TSG101: variants seen among roughly 807,000 people sequenced by gnomAD.
The protein encoded by TSG101 is tumor susceptibility gene 101 protein.
In TSG101, 19 loss-of-function variants were observed where a neutral mutation model predicts 48.5. The ratio of observed to expected loss-of-function variants is 0.39; its 90% CI spans 0.27 to 0.58. TSG101 has a LOEUF of 0.58. TSG101 is among the 20% of genes least tolerant of loss of function. The pLI, the probability that TSG101 is intolerant of heterozygous loss-of-function variation, is 0.55. For synonymous variants in TSG101, 174 were observed against 169.4 expected (o/e 1.03, Z -0.21); for missense variants, 365 against 484.4 (o/e 0.75, Z 2.31).
At chr11:18,482,920 A>C (rs1249985226) in intron 8 of TSG101, among the ~76,000 whole-genome samples, 1 of 152,160 alleles carries the variant, frequency 6.6e-6, no homozygotes. Context: ...TTGGGTTAAA[A>C]CATCCTTTGC....
intron 7 of TSG101, among the ~76,000 whole-genome samples, chr11:18,487,518 G>A (rs555878232): frequency 6.6e-6 from 1 of 151,992 alleles, no homozygotes; most frequent in Non-Finnish European, 1.5e-5. Flanking sequence ...ACATTAGATC[G>A]TTTCTGTAAC....
At position 18,526,938 on chromosome 11, in the gene TSG101, A is replaced by G. The variant is rs1850389115; in HGVS notation, c.-122T>C. 5 of 1,035,774 alleles carry G rather than the reference A, an allele frequency of 4.8e-6. No individual in the cohort carries two copies. Among genetic ancestry groups the G allele is most frequent in the Non-Finnish European group, 7.0e-6 (5 of 711,894 alleles). The allele number at this position is 1,035,774 out of a possible 1,614,324, so 64.2% of individuals were successfully genotyped here. ...CCTCAAACAACAGGAAGTCGGCACC[A>G]CTACACCACTTCCGCTTCCACTACG... On this transcript the variant is annotated 5_prime_UTR_variant, in exon 1 of 10. Coordinates refer to ENST00000251968, the MANE Select transcript of TSG101 (RefSeq NM_006292.4).
intron 1 of TSG101, among the ~76,000 whole-genome samples, chr11:18,521,670 CTTTTTTTTTTTTTT>C: frequency 1.5e-5 from 1 of 66,742 alleles, no homozygotes; most frequent in South Asian, 7.1e-4. Context: ...TGGCCCCTTC[CTTTTTTTTTTTTTT>C]TTTTTTTTTT....
intron 2 of TSG101, among the ~76,000 whole-genome samples, chr11:18,516,491 C>T (rs1362862094): frequency 2.6e-5 from 4 of 151,722 alleles, no homozygotes; most frequent in Non-Finnish European, 5.9e-5. Flanking sequence ...ATTACAGGCA[C>T]GTGCCACCAC....
Position 18,514,677 on chromosome 11 carries a change from C to T in TSG101, c.357+1G>A, listed in dbSNP as rs1299098195. On this transcript the variant is annotated splice_donor_variant, in intron 4 of 9. Coordinates refer to ENST00000251968, the MANE Select transcript of TSG101 (RefSeq NM_006292.4). LOFTEE classifies it high-confidence loss of function. ...ATTCACAGAACACTATGAATACTTA[C>T]GTGTTTCCATTCATGTAGATAAGGA... 5 of 1,563,126 alleles carry T rather than the reference C, an allele frequency of 3.2e-6. No individual in the cohort carries two copies. Among genetic ancestry groups the T allele is most frequent in the Non-Finnish European group, 4.3e-6 (5 of 1,163,182 alleles).
chr11:18,496,506 A>ATAAAC (rs1296710416), intron 7 of TSG101, among the ~76,000 whole-genome samples: 13 of 139,072 alleles, frequency 9.3e-5, no homozygotes, highest in Admixed American at 5.9e-4. Context: ...ATAAAATAAA[A>ATAAAC]TAAATCTACA....
In TSG101 at chr11:18,486,584, G is replaced by A. The variant is rs894491966; in HGVS notation, c.641-2512C>T. On this transcript the variant is annotated intron_variant, in intron 7 of 9. Coordinates refer to ENST00000251968, the MANE Select transcript of TSG101 (RefSeq NM_006292.4). ...CACAATGAGATACCATCTCACACCA[G>A]TTAGAATGGTGATCATTAAAAAGTC... is the stretch of plus-strand genomic sequence containing the variant. Among the ~76,000 whole-genome samples the A allele has an allele frequency of 5.3e-5, 8 of 152,128 alleles. No individual in the cohort carries two copies. The South Asian group carries it at 1.7e-3, about 32-fold the overall frequency.
At chr11:18,487,257 TATA>T (rs1320132674) in intron 7 of TSG101, among the ~76,000 whole-genome samples, 1 of 137,526 alleles carries the variant, frequency 7.3e-6, no homozygotes, top group Non-Finnish European at 1.6e-5. Context: ...AAACTTAAAG[TATA>T]ATAAAAAAAA....
intron 2 of TSG101, among the ~76,000 whole-genome samples, chr11:18,517,185 CTT>C (rs879379932): frequency 4.9e-5 from 7 of 142,112 alleles, no homozygotes; most frequent in Admixed American, 1.4e-4. Flanking sequence ...CCATGCCCAG[CTT>C]TTTTTTTTTT....
At chr11:18,502,452 A>C (rs769627822) in intron 7 of TSG101, 34 bp downstream of exon 7, 1 of 1,565,684 alleles carries the variant, frequency 6.4e-7, no homozygotes, top group South Asian at 1.1e-5. Flanking sequence ...GACTTTGCTT[A>C]TATGGTGAAA....
intron 1 of TSG101, among the ~76,000 whole-genome samples, chr11:18,524,485 T>C (rs757559053): frequency 1.3e-5 from 2 of 152,232 alleles, no homozygotes; most frequent in Non-Finnish European, 2.9e-5. Flanking sequence ...CCACACCAGC[T>C]GAAAGGAAAA....
chr11:18,483,734 A>C, intron 8 of TSG101, 136 bp downstream of exon 8: 1 of 901,500 alleles, frequency 1.1e-6, no homozygotes, highest in South Asian at 1.7e-5. Flanking sequence ...GGTATAAAAA[A>C]TTACATTCAA....
intron 1 of TSG101, among the ~76,000 whole-genome samples, chr11:18,522,899 G>T (rs1850302360): frequency 6.6e-6 from 1 of 152,024 alleles, no homozygotes; most frequent in Non-Finnish European, 1.5e-5. Context: ...TTCCAGGTTT[G>T]TTTTTTTCTT....
At chr11:18,511,268 AT>A (rs1201204630) in intron 4 of TSG101, 16 of 152,160 alleles carry the variant, frequency 1.1e-4, no homozygotes, top group African/African-American at 3.9e-4. Context: ...CAGGATTAGG[AT>A]TGGCACTTCT....
intron 4 of TSG101, among the ~76,000 whole-genome samples, chr11:18,513,645 G>A (rs921311493): frequency 1.3e-5 from 2 of 152,092 alleles, no homozygotes; most frequent in Non-Finnish European, 2.9e-5. Context: ...GGATCTAAAA[G>A]TCCTAGTTAC....
At chr11:18,514,589 G>T in intron 4 of TSG101, 89 bp downstream of exon 4, 1 of 1,123,980 alleles carries the variant, frequency 8.9e-7, no homozygotes, top group Non-Finnish European at 1.2e-6. Context: ...ATCCTACCTC[G>T]AATCCTCCTT....
intron 7 of TSG101, among the ~76,000 whole-genome samples, chr11:18,499,402 A>ATATATATATTTT: frequency 5.5e-4 from 3 of 5,454 alleles, no homozygotes; most frequent in African/African-American, 1.5e-3. Flanking sequence ...ATATATATAT[A>ATATATATATTTT]TTTTTTTTTT....
intron 3 of TSG101, 124 bp from the exon 4 acceptor site, chr11:18,514,965 A>T (rs1308364845): frequency 6.9e-6 from 6 of 863,878 alleles, no homozygotes; most frequent in Non-Finnish European, 9.8e-6. Flanking sequence ...CCCCATTCCT[A>T]TTTCCCCCAG....
intron 4 of TSG101, among the ~76,000 whole-genome samples, chr11:18,513,447 C>A (rs1850120588): frequency 6.6e-6 from 1 of 151,966 alleles, no homozygotes; most frequent in Non-Finnish European, 1.5e-5. Flanking sequence ...AGGCACACAC[C>A]ACCATGCCAA....
Sources: allele counts gnomAD v4.1 joint callset (sites outside exome capture counted in the v4.1 genomes callset), GRCh38; gene constraint gnomAD v4.1.1; transcripts MANE v1.5; gene names NCBI Gene and HGNC (gene_info 2026-07-23, HGNC 2026-07-21).